Variants in CMIP observed in about 807,000 individuals in gnomAD.
CMIP encodes c-Maf inducing protein.
CMIP carries 13 observed loss-of-function variants against 97.3 expected under a neutral mutation model. That is an observed-to-expected ratio of 0.13 (90% CI 0.09 to 0.21). The LOEUF (loss-of-function observed/expected upper bound fraction) is 0.21, where lower values mean the gene tolerates loss of function less well. Ranked by LOEUF, CMIP falls within the 10% of genes least tolerant of loss-of-function variation. The pLI is 1.00. For synonymous variants in CMIP, 538 were observed against 436.3 expected (o/e 1.23, Z -2.91); for missense variants, 847 against 1,024.9 (o/e 0.83, Z 2.37).
At chr16:81,524,265 C>T (rs117359256) in intron 1 of CMIP, among the ~76,000 whole-genome samples, 3 of 152,338 alleles carry the variant, frequency 2.0e-5, no homozygotes, top group East Asian at 1.9e-4. Context: ...AGCACCTCCT[C>T]TGTAGTGGGC....
chr16:81,540,711 C>T (rs954830294), intron 1 of CMIP, among the ~76,000 whole-genome samples: 1 of 150,790 alleles, frequency 6.6e-6, no homozygotes, highest in Non-Finnish European at 1.5e-5. Context: ...GACAGAGTCT[C>T]GGTCTGTTGC....
chr16:81,494,000 A>G (rs1401117743), intron 1 of CMIP, among the ~76,000 whole-genome samples: 1 of 152,202 alleles, frequency 6.6e-6, no homozygotes, highest in Non-Finnish European at 1.5e-5. Context: ...CTTAATTAAA[A>G]AAACAACCAG....
intron 2 of CMIP, among the ~76,000 whole-genome samples, chr16:81,611,570 C>A (rs1299741780): frequency 6.6e-6 from 1 of 152,034 alleles, no homozygotes; most frequent in African/African-American, 2.4e-5. Context: ...TCCCCTCCTT[C>A]CCCTTCTGTC....
intron 1 of CMIP, among the ~76,000 whole-genome samples, chr16:81,573,060 T>C (rs1036183028): frequency 4.0e-4 from 61 of 152,348 alleles, no homozygotes; most frequent in African/African-American, 1.3e-3. Context: ...AATGCACCTT[T>C]AGACCAGGTG....
At chr16:81,603,310 G>A (rs1157695954) in intron 1 of CMIP, 1 of 443,902 alleles carries the variant, frequency 2.3e-6, no homozygotes. Flanking sequence ...CTCGATCAAG[G>A]TGACGTCATG....
chr16:81,518,653 A>G (rs931688402), intron 1 of CMIP: 2 of 152,282 alleles, frequency 1.3e-5, no homozygotes, highest in South Asian at 4.1e-4. Context: ...GCTGGGACTC[A>G]AACCGATTAA....
intron 3 of CMIP, among the ~76,000 whole-genome samples, chr16:81,642,085 A>G (rs141178660): frequency 6.6e-6 from 1 of 152,272 alleles, no homozygotes; most frequent in Admixed American, 6.5e-5. Context: ...TGGCCTATGG[A>G]GTGCCCTTCA....
chr16:81,615,584 GTGTC>G (rs1314257243), intron 2 of CMIP, among the ~76,000 whole-genome samples: 5 of 139,248 alleles, frequency 3.6e-5, no homozygotes, highest in Admixed American at 7.3e-5. Flanking sequence ...TATAGTGTGT[GTGTC>G]TGTGTGTGTG....
intron 1 of CMIP, among the ~76,000 whole-genome samples, chr16:81,461,864 TA>T (rs1177599700): frequency 6.6e-6 from 1 of 152,160 alleles, no homozygotes; most frequent in Non-Finnish European, 1.5e-5. Flanking sequence ...ATTGTGAGAG[TA>T]AATGACATGG....
At chr16:81,622,812 A>C (rs1340590185) in intron 3 of CMIP, among the ~76,000 whole-genome samples, 1 of 152,162 alleles carries the variant, frequency 6.6e-6, no homozygotes, top group Non-Finnish European at 1.5e-5. Context: ...TGAGTATTGC[A>C]CAGCTGCAAG....
At chr16:81,503,578 T>C (rs2089651095) in intron 1 of CMIP, among the ~76,000 whole-genome samples, 1 of 152,164 alleles carries the variant, frequency 6.6e-6, no homozygotes, top group South Asian at 2.1e-4. Flanking sequence ...TAAATTTTTT[T>C]GTACAGACAG....
chr16:81,497,483 C>G (rs1015862041), intron 1 of CMIP, among the ~76,000 whole-genome samples: 2 of 152,110 alleles, frequency 1.3e-5, no homozygotes, highest in African/African-American at 4.8e-5. Context: ...CTGGTGGCTC[C>G]CAGAAGGGTC....
chr16:81,509,694 G>A (rs1353687644), intron 1 of CMIP, among the ~76,000 whole-genome samples: 1 of 152,148 alleles, frequency 6.6e-6, no homozygotes, highest in Admixed American at 6.5e-5. Context: ...CTGGTTTCAG[G>A]AATGCTGCCT....
At chr16:81,648,164 C>T (rs556467985) in intron 3 of CMIP, among the ~76,000 whole-genome samples, 2 of 131,324 alleles carry the variant, frequency 1.5e-5, no homozygotes, top group Non-Finnish European at 3.5e-5. Flanking sequence ...GATCTCTTGG[C>T]AAATCTGATA....
intron 1 of CMIP, among the ~76,000 whole-genome samples, chr16:81,481,858 G>C (rs1054218298): frequency 6.6e-6 from 1 of 150,508 alleles, no homozygotes; most frequent in African/African-American, 2.5e-5. Context: ...ATCTCCTCTG[G>C]CTCTGGCCCT....
chr16:81,657,561 C>T (rs562034858), intron 4 of CMIP, among the ~76,000 whole-genome samples: 1 of 152,262 alleles, frequency 6.6e-6, no homozygotes, highest in Non-Finnish European at 1.5e-5. Flanking sequence ...GGGACAAGAA[C>T]TCAGTTCTCC....
At chr16:81,695,327 G>T (rs1906588447) in intron 13 of CMIP, 1 of 151,950 alleles carries the variant, frequency 6.6e-6, no homozygotes, top group Non-Finnish European at 1.5e-5. Context: ...TGCTATATTT[G>T]TTGAATAGCA....
chr16:81,617,750 C>A (rs941443787), intron 2 of CMIP, among the ~76,000 whole-genome samples: 1 of 152,216 alleles, frequency 6.6e-6, no homozygotes, highest in Admixed American at 6.5e-5. Flanking sequence ...AGAAATAAGA[C>A]CCTGCCCTCA....
chr16:81,622,443 G>C (rs1305888005), intron 3 of CMIP, among the ~76,000 whole-genome samples: 4 of 152,164 alleles, frequency 2.6e-5, no homozygotes, highest in Non-Finnish European at 5.9e-5. Context: ...ACATTCGTCA[G>C]CACCTACTGG....
Sources: allele counts gnomAD v4.1 joint callset (sites outside exome capture counted in the v4.1 genomes callset), GRCh38; gene constraint gnomAD v4.1.1; transcripts MANE v1.5; gene names NCBI Gene and HGNC (gene_info 2026-07-23, HGNC 2026-07-21).